Variants in LRP6 observed in about 807,000 individuals in gnomAD.
The protein encoded by LRP6 is LDL receptor related protein 6.
LRP6 carries 43 observed loss-of-function variants against 184.1 expected under a neutral mutation model. That is an observed-to-expected ratio of 0.23 (90% confidence interval 0.18 to 0.30). The LOEUF (loss-of-function observed/expected upper bound fraction) is 0.30, where lower values mean the gene tolerates loss of function less well. LRP6 is among the 10% of genes least tolerant of loss of function. The pLI is 1.00. For missense variants in LRP6, 1,571 were observed against 2,005.3 expected (o/e 0.78, Z 4.14); for synonymous variants, 719 against 684.9 (o/e 1.05, Z -0.78).
chr12:12,252,508 T>A (rs540295690), intron 1 of LRP6, among the ~76,000 whole-genome samples: 1 of 152,226 alleles, frequency 6.6e-6, no homozygotes, highest in Non-Finnish European at 1.5e-5. Flanking sequence ...TAGGGATATT[T>A]TGGAAGTTCT....
intron 3 of LRP6, among the ~76,000 whole-genome samples, chr12:12,202,348 G>A (rs966316597): frequency 6.6e-6 from 1 of 152,206 alleles, no homozygotes; most frequent in African/African-American, 2.4e-5. Context: ...CATAAGACCA[G>A]CCTGGGCAAC....
chr12:12,238,064 TCTA>T (rs1864968108), intron 2 of LRP6, among the ~76,000 whole-genome samples: 1 of 152,198 alleles, frequency 6.6e-6, no homozygotes, highest in Non-Finnish European at 1.5e-5. Context: ...TACTGTTTTC[TCTA>T]CTTTTATGTA....
chr12:12,231,093 A>G (rs909966204), intron 2 of LRP6, among the ~76,000 whole-genome samples: 11 of 136,048 alleles, frequency 8.1e-5, no homozygotes, highest in African/African-American at 2.9e-4. Context: ...AGGCAGGAGA[A>G]TGGCTTGAAC....
intron 5 of LRP6, among the ~76,000 whole-genome samples, chr12:12,183,710 TATCA>T (rs1232282993): frequency 6.6e-6 from 1 of 152,240 alleles, no homozygotes; most frequent in Non-Finnish European, 1.5e-5. Context: ...TCAACTGTGA[TATCA>T]ATGACTATGA....
intron 19 of LRP6, among the ~76,000 whole-genome samples, chr12:12,130,257 G>A (rs763398054): frequency 2.0e-5 from 3 of 151,484 alleles, no homozygotes; most frequent in Non-Finnish European, 4.4e-5. Context: ...TGTGATCTCG[G>A]CTCAATGCAA....
At chr12:12,185,897 G>A (rs941507536) in intron 4 of LRP6, among the ~76,000 whole-genome samples, 3 of 147,500 alleles carry the variant, frequency 2.0e-5, no homozygotes, top group African/African-American at 2.5e-5. Context: ...CAGGCTGAAA[G>A]TGCAATGGCG....
At chr12:12,139,556 T>C (rs1392417803) in intron 15 of LRP6, among the ~76,000 whole-genome samples, 2 of 152,096 alleles carry the variant, frequency 1.3e-5, no homozygotes, top group Non-Finnish European at 2.9e-5. Flanking sequence ...AAATGCCATC[T>C]CTACAAAAAA....
In LRP6 at chr12:12,254,158, A is replaced by AAG. The variant is rs1555126529; in HGVS notation, c.56-9504_56-9503insCT. On this transcript the variant is annotated intron_variant, in intron 1 of 22. Coordinates refer to ENST00000261349, the MANE Select transcript of LRP6 (RefSeq NM_002336.3). ...GACTCTGTCTCAAAAAAAAAAAAAA[A>AAG]AAAAAAAGAAAGAAAGAAAAAGGAA... Among the ~76,000 whole-genome samples the AAG allele has an allele frequency of 8.1e-3, 1,208 of 149,918 alleles. 25 individuals carry two copies. Among genetic ancestry groups the AAG allele is most frequent in the Middle Eastern group, 0.014 (4 of 294 alleles).
intron 17 of LRP6, among the ~76,000 whole-genome samples, chr12:12,132,702 T>C (rs541698298): frequency 3.9e-5 from 6 of 152,328 alleles, no homozygotes; most frequent in Middle Eastern, 3.4e-3. Context: ...AAGAATGTTA[T>C]TGATGAATCA....
At position 12,242,972 on chromosome 12, in the gene LRP6, G is replaced by T. The variant is rs187976909; in HGVS notation, c.449+1290C>A. On this transcript the variant is annotated intron_variant, in intron 2 of 22. Coordinates refer to ENST00000261349, the MANE Select transcript of LRP6 (RefSeq NM_002336.3). The stretch of plus-strand genomic sequence containing the variant: ...CAAGTTCTCATTTATTACATAAAAA[G>T]AATTCACTCCTTTCTATAAGTGAAA... Among the ~76,000 whole-genome samples, 406 of 152,246 alleles carry T rather than the reference G, an allele frequency of 2.7e-3. 1 individual carries two copies. Among genetic ancestry groups the T allele is most frequent in the Non-Finnish European group, 4.3e-3 (292 of 67,994 alleles).
chr12:12,250,135 C>G (rs767573187), intron 1 of LRP6, among the ~76,000 whole-genome samples: 1 of 150,732 alleles, frequency 6.6e-6, no homozygotes, highest in Admixed American at 6.6e-5. Context: ...TTTTCTACTT[C>G]TAATACTTTC....
At chr12:12,140,149 C>T (rs1949908731) in intron 15 of LRP6, among the ~76,000 whole-genome samples, 1 of 151,050 alleles carries the variant, frequency 6.6e-6, no homozygotes, top group South Asian at 2.1e-4. Flanking sequence ...AACAAAGGAA[C>T]TTGGAGAAAA....
intron 15 of LRP6, among the ~76,000 whole-genome samples, chr12:12,146,310 T>C (rs1292541083): frequency 6.6e-6 from 1 of 152,200 alleles, no homozygotes; most frequent in African/African-American, 2.4e-5. Flanking sequence ...AATTTCCACT[T>C]CCACCAAAGC....
intron 2 of LRP6, among the ~76,000 whole-genome samples, chr12:12,216,922 A>T (rs1049846170): frequency 6.6e-6 from 1 of 151,378 alleles, no homozygotes. Flanking sequence ...AGCATGACAT[A>T]TAAGAGCCTT....
chr12:12,219,258 G>A (rs1864425129), intron 2 of LRP6, among the ~76,000 whole-genome samples: 1 of 152,172 alleles, frequency 6.6e-6, no homozygotes, highest in African/African-American at 2.4e-5. Context: ...AGGCTGGAGT[G>A]CAGTGGCACC....
chr12:12,243,654 G>A (rs1016811951), intron 2 of LRP6, among the ~76,000 whole-genome samples: 3 of 152,180 alleles, frequency 2.0e-5, no homozygotes, highest in South Asian at 2.1e-4. Flanking sequence ...GCTCACACCT[G>A]TAATCCCAGC....
chr12:12,186,665 T>TC, intron 4 of LRP6: 1 of 383,168 alleles, frequency 2.6e-6, no homozygotes. Flanking sequence ...TAACTTTTTT[T>TC]TTTTTTTTTT....
At chr12:12,243,750 TA>T (rs1045238999) in intron 2 of LRP6, among the ~76,000 whole-genome samples, 13 of 152,094 alleles carry the variant, frequency 8.5e-5, no homozygotes, top group African/African-American at 3.1e-4. Flanking sequence ...ATTCTGTCTC[TA>T]CAAAAAAAAA....
rs190828821 is a variant in LRP6, at chr12:12,233,532, C to A, written c.449+10730G>T. Reference sequence around the variant, plus strand: ...GGGATATTCTATAGGACAGCTGACCCAGTCTTTTCAATTAAGTCAACAAGG... The same window carrying A: ...GGGATATTCTATAGGACAGCTGACCAAGTCTTTTCAATTAAGTCAACAAGG... On this transcript the variant is annotated intron_variant, in intron 2 of 22. Transcript: ENST00000261349. 3.0e-3 allele frequency among the ~76,000 whole-genome samples: 455 copies of A among 152,208 alleles called. 5 individuals are homozygous for A. Among genetic ancestry groups the A allele is most frequent in the Non-Finnish European group, 4.2e-3 (284 of 68,006 alleles).
Sources: allele counts gnomAD v4.1 joint callset (sites outside exome capture counted in the v4.1 genomes callset), GRCh38; gene constraint gnomAD v4.1.1; transcripts MANE v1.5; gene names NCBI Gene and HGNC (gene_info 2026-07-23, HGNC 2026-07-21).